Variants in PDGFD observed in about 807,000 individuals in gnomAD.
PDGFD encodes the protein platelet-derived growth factor D.
PDGFD carries 30 observed loss-of-function variants against 44.7 expected under a neutral mutation model. The ratio of observed to expected loss-of-function variants is 0.67; its 90% confidence interval spans 0.50 to 0.91. The LOEUF is 0.91. Among genes scored for constraint, PDGFD ranks in the 40% least tolerant of loss-of-function variants. PDGFD has a pLI of 0.00. For synonymous variants in PDGFD, 173 were observed against 168.4 expected (o/e 1.03, Z -0.21); for missense variants, 445 against 457.8 (o/e 0.97, Z 0.25).
intron 1 of PDGFD, among the ~76,000 whole-genome samples, chr11:104,158,598 C>T (rs1421787201): frequency 3.3e-5 from 5 of 152,106 alleles, no homozygotes; most frequent in African/African-American, 7.2e-5. Context: ...TTTGGGAGAC[C>T]GAGGCCAGCG....
chr11:103,958,699 C>T (rs990702905), intron 3 of PDGFD, among the ~76,000 whole-genome samples: 8 of 152,104 alleles, frequency 5.3e-5, no homozygotes, highest in Non-Finnish European at 8.8e-5. Context: ...AACCATTTCA[C>T]GCCTCTGTGC....
At chr11:104,159,383 T>C (rs1455484972) in intron 1 of PDGFD, among the ~76,000 whole-genome samples, 1 of 152,156 alleles carries the variant, frequency 6.6e-6, no homozygotes, top group African/African-American at 2.4e-5. Context: ...GGTTCATCCA[T>C]CTAAAAGATT....
At chr11:103,972,542 C>T (rs146951658) in intron 3 of PDGFD, among the ~76,000 whole-genome samples, 49 of 152,198 alleles carry the variant, frequency 3.2e-4, no homozygotes, top group Non-Finnish European at 6.0e-4. Flanking sequence ...ATCCTGGCTT[C>T]GTGACATTAC....
intron 1 of PDGFD, among the ~76,000 whole-genome samples, chr11:104,150,670 T>C (rs1331279351): frequency 6.6e-6 from 1 of 152,154 alleles, no homozygotes; most frequent in East Asian, 1.9e-4. Flanking sequence ...CTCTTCCAGC[T>C]CCTGTTTGCT....
chr11:104,082,716 T>C (rs1354611497), intron 1 of PDGFD, among the ~76,000 whole-genome samples: 1 of 152,086 alleles, frequency 6.6e-6, no homozygotes, highest in Non-Finnish European at 1.5e-5. Flanking sequence ...ACTGCAGCCT[T>C]GAACTTCTGG....
chr11:104,045,235 G>A (rs1860421967), intron 1 of PDGFD, among the ~76,000 whole-genome samples: 1 of 152,084 alleles, frequency 6.6e-6, no homozygotes, highest in African/African-American at 2.4e-5. Flanking sequence ...ATGTCTAAGT[G>A]TTGAAAGTAG....
At chr11:103,993,163 G>A (rs1859484983) in intron 3 of PDGFD, among the ~76,000 whole-genome samples, 1 of 152,106 alleles carries the variant, frequency 6.6e-6, no homozygotes, top group Non-Finnish European at 1.5e-5. Flanking sequence ...GACCTTCTGG[G>A]CTCACACAGT....
At chr11:103,956,398 T>G (rs931759741) in intron 3 of PDGFD, among the ~76,000 whole-genome samples, 3 of 145,334 alleles carry the variant, frequency 2.1e-5, no homozygotes, top group Non-Finnish European at 4.5e-5. Flanking sequence ...GAACTCATCA[T>G]TTTTATGGCT....
intron 3 of PDGFD, among the ~76,000 whole-genome samples, chr11:103,973,057 G>T (rs115179865): frequency 6.6e-6 from 1 of 151,824 alleles, no homozygotes; most frequent in Admixed American, 6.6e-5. Context: ...TTTAGGGGTA[G>T]ACTAACATGT....
At chr11:104,112,008 A>C (rs1861565705) in intron 1 of PDGFD, among the ~76,000 whole-genome samples, 1 of 152,164 alleles carries the variant, frequency 6.6e-6, no homozygotes, top group African/African-American at 2.4e-5. Flanking sequence ...AGTCTCAAAT[A>C]AGAACGTAAA....
Position 103,996,122 on chromosome 11 carries a change from G to T in PDGFD, c.453C>A (p.Phe151Leu). 1 of 1,613,734 alleles carries T rather than the reference G, an allele frequency of 6.2e-7. No homozygotes were observed. Among genetic ancestry groups the T allele is most frequent in the East Asian group, 2.2e-5 (1 of 44,790 alleles). ...KSRTNQIKIT[F>L]KSDDYFVAKP... is the part of the protein sequence containing the mutation. ...TAGCCACAAAGTAGTCATCGGACTT[G>T]AATGTGATTTTAATTTGGTTCGTTC... The change falls in exon 3 of 7, where the codon TTC becomes TTA. Residue 151 changes from phenylalanine to leucine, a missense_variant. Physicochemically the swap from Phe to Leu is conservative, Grantham distance 22. Coordinates refer to ENST00000393158, the MANE Select transcript of PDGFD (RefSeq NM_025208.5).
chr11:103,971,085 C>T (rs964126945), intron 3 of PDGFD, among the ~76,000 whole-genome samples: 5 of 152,142 alleles, frequency 3.3e-5, no homozygotes, highest in African/African-American at 1.2e-4. Flanking sequence ...CTGTCTTCCA[C>T]TGTGAATATA....
Position 103,907,297 on chromosome 11 carries a change from A to T in PDGFD, c.*2397T>A, listed in dbSNP as rs531066973. On this transcript the variant is annotated 3_prime_UTR_variant, in exon 7 of 7. Coordinates refer to ENST00000393158, the MANE Select transcript of PDGFD (RefSeq NM_025208.5). ...CTGCATGTTACCGATATGACAAAAAACATAAAAAACTCTACTTATGAAAGT... is the reference window on the plus strand; with the variant it reads ...CTGCATGTTACCGATATGACAAAAATCATAAAAAACTCTACTTATGAAAGT... 7.9e-5 allele frequency: 12 copies of T among 152,358 alleles called. No individual in the cohort carries two copies. The highest frequency in any genetic ancestry group is 2.9e-4 in the African/African-American group (12 of 41,578). The allele number at this position is 152,358 out of a possible 1,614,324, so 9.4% of individuals were successfully genotyped here.
intron 1 of PDGFD, among the ~76,000 whole-genome samples, chr11:104,149,944 T>A (rs913267145): frequency 6.5e-4 from 99 of 152,178 alleles, no homozygotes; most frequent in African/African-American, 2.3e-3. Flanking sequence ...TCACTTAATA[T>A]ATACTGTGGT....
Position 103,907,526 on chromosome 11 carries a change from A to C in PDGFD, c.*2168T>G, listed in dbSNP as rs1293817423. The C allele has an allele frequency of 6.6e-6, 1 of 152,222 alleles. No individual in the cohort carries two copies. The highest frequency in any genetic ancestry group is 1.9e-4 in the East Asian group (1 of 5,194). The allele number at this position is 152,222 out of a possible 1,614,324, so 9.4% of individuals were successfully genotyped here. A position where few individuals can be genotyped will look rare whatever the true frequency, so the allele number is the denominator to read the frequency against. On this transcript the variant is annotated 3_prime_UTR_variant, in exon 7 of 7. Coordinates refer to ENST00000393158, the MANE Select transcript of PDGFD (RefSeq NM_025208.5). The stretch of plus-strand genomic sequence containing the variant: ...GTAACCAAGGGAGAAGTTTTAATAA[A>C]ACTCTCAGGAAAGGCAAAGAAAAGT...
chr11:103,988,041 T>C (rs1305015797), intron 3 of PDGFD, among the ~76,000 whole-genome samples: 2 of 152,210 alleles, frequency 1.3e-5, no homozygotes, highest in African/African-American at 4.8e-5. Context: ...AAGTGAACGA[T>C]AGGTGGAGAC....
chr11:104,079,937 G>A (rs893664584), intron 1 of PDGFD, among the ~76,000 whole-genome samples: 10 of 152,116 alleles, frequency 6.6e-5, no homozygotes, highest in South Asian at 2.1e-4. Flanking sequence ...AAATTTATAC[G>A]TTTTGTACAT....
intron 1 of PDGFD, among the ~76,000 whole-genome samples, chr11:104,113,154 A>C (rs1374524868): frequency 1.3e-5 from 2 of 152,200 alleles, no homozygotes; most frequent in Admixed American, 6.6e-5. Context: ...AAAATTGCCT[A>C]TACCAAAGAT....
chr11:103,997,063 G>T (rs997132576), intron 2 of PDGFD, among the ~76,000 whole-genome samples: 1 of 152,194 alleles, frequency 6.6e-6, no homozygotes, highest in Non-Finnish European at 1.5e-5. Context: ...GAGATCCTCA[G>T]TAACATAGTT....
Sources: allele counts gnomAD v4.1 joint callset (sites outside exome capture counted in the v4.1 genomes callset), GRCh38; gene constraint gnomAD v4.1.1; transcripts MANE v1.5; gene names NCBI Gene and HGNC (gene_info 2026-07-23, HGNC 2026-07-21).